ANKRD9: variants seen among roughly 807,000 people sequenced by gnomAD.
ANKRD9 encodes ankyrin repeat domain-containing protein 9.
A neutral mutation model predicts 19.2 loss-of-function variants in ANKRD9; 13 were observed. That is an observed-to-expected ratio of 0.68 (90% confidence interval 0.44 to 1.08). The LOEUF (loss-of-function observed/expected upper bound fraction) is 1.08, where lower values mean the gene tolerates loss of function less well. ANKRD9 is among the 50% of genes least tolerant of loss of function. The probability of loss-of-function intolerance (pLI) is 0.00; values close to 1 mark genes in which losing one functional copy is unlikely to be tolerated. For synonymous variants in ANKRD9, 278 were observed against 256.8 expected (o/e 1.08, Z -0.79); for missense variants, 518 against 499.9 (o/e 1.04, Z -0.34).
rs1355623008 is a variant in ANKRD9, at chr14:102,507,335, G to C, written c.555C>G (p.Pro185=). 2 of 1,307,282 alleles carry C rather than the reference G, an allele frequency of 1.5e-6. No homozygotes were observed. The highest frequency in any genetic ancestry group is 2.0e-6 in the Non-Finnish European group (2 of 1,023,928). The allele number at this position is 1,307,282 out of a possible 1,614,324, so 81.0% of individuals were successfully genotyped here. A position where few individuals can be genotyped will look rare whatever the true frequency, so the allele number is the denominator to read the frequency against. ...TGAGGCCGCCGCCGTCCCGCAGACC[G>C]GGCGAGGCGCCGTGGCCCAGCAGCA... ...LFLLLGHGAS[P]GLRDGGGLTP... Residue 185 remains proline (P), a synonymous_variant, in exon 4 of 4, where the codon CCC becomes CCG. Transcript: ENST00000286918. This position sits in a 1 kb window ranked among gnomAD's most constrained non-coding sequence, Gnocchi z 9.2.
rs759721819 is a variant in ANKRD9 at position 102,507,655 on chromosome 14, C to G, written c.235G>C (p.Ala79Pro). 1.3e-6 allele frequency: 2 copies of G among 1,549,318 alleles called. No homozygotes were observed. The highest frequency in any genetic ancestry group is 1.2e-5 in the South Asian group (1 of 86,822). Residue 79 changes from alanine (A) to proline (P), a missense_variant, in exon 4 of 4, where the codon GCG becomes CCG. Physicochemically the swap from Ala to Pro is conservative, Grantham distance 27. Coordinates refer to ENST00000286918, the MANE Select transcript of ANKRD9 (RefSeq NM_152326.4). The surrounding 1 kb of genome is among the most constrained non-coding windows in gnomAD (Gnocchi z 9.2). The stretch of plus-strand genomic sequence containing the variant: ...TACGCTTGGTGGTCGTGCACGAGCG[C>G]GTAGAGCAGCGCCTCAGAGGGCGAG... ...AYSPSEALLY[A>P]LVHDHQAYAH...
At position 102,507,085 on chromosome 14, in the gene ANKRD9, A is replaced by T. The variant is rs774606148; in HGVS notation, c.805T>A (p.Trp269Arg). The change falls in exon 4 of 4, where the codon TGG becomes AGG. Residue 269 changes from tryptophan (W) to arginine (R), a missense_variant. Transcript: ENST00000286918. This position sits in a 1 kb window ranked among gnomAD's most constrained non-coding sequence, Gnocchi z 9.2. ...GAGGGCGGCGCCAGGCCCGCCAGCC[A>T]CTGGAACTTGTCCTCACCCAGCAGC... ...QRLLGEDKFQ[W>R]LAGLAPPSLF... 1.3e-6 allele frequency: 2 copies of T among 1,550,788 alleles called. No homozygotes were observed. Among genetic ancestry groups the T allele is most frequent in the East Asian group, 2.4e-5 (1 of 41,092 alleles).
chr14:102,508,514 G>A lies in ANKRD9; in HGVS notation c.-93C>T, dbSNP rs1156937022. The A allele has an allele frequency of 1.3e-5, 2 of 152,180 alleles. No individual in the cohort carries two copies. Among genetic ancestry groups the A allele is most frequent in the Non-Finnish European group, 2.9e-5 (2 of 68,072 alleles). 9.4% of individuals were successfully genotyped at this position (152,180 alleles called of 1,614,324 possible). On this transcript the variant is annotated 5_prime_UTR_variant, in exon 3 of 4. Transcript: ENST00000286918. The surrounding 1 kb of genome is among the most constrained non-coding windows in gnomAD (Gnocchi z 6.2). ...GCGATCACCTAGTTCCGGGGATGTG[G>A]GTATATCACAGTCCCTGGCCGAGCC...
Position 102,507,857 on chromosome 14 carries a change from G to A in ANKRD9, c.33C>T (p.Gly11=). The A allele has an allele frequency of 1.7e-6, 2 of 1,203,476 alleles. No individual in the cohort carries two copies. The highest frequency in any genetic ancestry group is 1.6e-5 in the African/African-American group (1 of 61,482). The allele number at this position is 1,203,476 out of a possible 1,614,324, so 74.5% of individuals were successfully genotyped here. The change falls in exon 4 of 4, where the codon GGC becomes GGT. Residue 11 remains glycine (G), a synonymous_variant. Transcript: ENST00000286918. This position sits in a 1 kb window ranked among gnomAD's most constrained non-coding sequence, Gnocchi z 9.2. The stretch of plus-strand genomic sequence containing the variant: ...CCGAGGCCTCGGGCCCGCCGTCCGC[G>A]CCACCCCCAGGCCGCCGCGCGTCCC... MPWDARRPGG[G]ADGGPEASGA... is the part of the protein sequence containing the mutation.
rs1159048983 is a variant in ANKRD9 at position 102,505,096 on chromosome 14, A to G, written c.*1840T>C. The G allele has an allele frequency of 1.3e-5, 2 of 152,692 alleles. No homozygotes were observed. The highest frequency in any genetic ancestry group is 2.9e-5 in the Non-Finnish European group (2 of 68,418). The allele number at this position is 152,692 out of a possible 1,614,324, so 9.5% of individuals were successfully genotyped here. On this transcript the variant is annotated 3_prime_UTR_variant, in exon 4 of 4. Transcript: ENST00000286918. Reference sequence around the variant, plus strand: ...CCTCTGGCATTGTGGAGGCTGACCTATAGAGAACAGAGCTGGAGCTGGGGA... The same window carrying G: ...CCTCTGGCATTGTGGAGGCTGACCTGTAGAGAACAGAGCTGGAGCTGGGGA...
In ANKRD9 at chr14:102,507,191, GT is replaced by G; in HGVS notation, c.698del (p.Asp233AlafsTer91). The G allele has an allele frequency of 7.5e-7, 1 of 1,324,826 alleles. No homozygotes were observed. Among genetic ancestry groups the G allele is most frequent in the South Asian group, 1.9e-5 (1 of 51,864 alleles). 82.1% of individuals were successfully genotyped at this position (1,324,826 alleles called of 1,614,324 possible). Reference sequence around the variant, plus strand: ...CCACGGGGGTGTACAGCGCCAGGAGGTCCAGCAGCAGCAGGCGGCGCTGGCG... The same window carrying G: ...CCACGGGGGTGTACAGCGCCAGGAGGCCAGCAGCAGCAGGCGGCGCTGGCG... ...EPRQRRLLLL[D>X]LLALYTPVGA... On this transcript the variant is annotated frameshift_variant, in exon 4 of 4. Transcript: ENST00000286918. LOFTEE classifies it high-confidence loss of function. This position sits in a 1 kb window ranked among gnomAD's most constrained non-coding sequence, Gnocchi z 9.2.
chr14:102,508,641 A>C lies in ANKRD9; in HGVS notation c.-129T>G, dbSNP rs1237919091. On this transcript the variant is annotated splice_region_variant and 5_prime_UTR_variant, in exon 2 of 4. Coordinates refer to ENST00000286918, the MANE Select transcript of ANKRD9 (RefSeq NM_152326.4). The surrounding 1 kb of genome is among the most constrained non-coding windows in gnomAD (Gnocchi z 6.2). ...CCTCTATCCAAACATGTTTGCTTACACGTTAGCTCCTGGGAGGAGATAGGA... is the reference window on the plus strand; with the variant it reads ...CCTCTATCCAAACATGTTTGCTTACCCGTTAGCTCCTGGGAGGAGATAGGA... 6.6e-6 allele frequency: 1 copy of C among 152,026 alleles called. No homozygotes were observed. The highest frequency in any genetic ancestry group is 1.5e-5 in the Non-Finnish European group (1 of 68,036). 9.4% of individuals were successfully genotyped at this position (152,026 alleles called of 1,614,324 possible).
chr14:102,507,835 A>C lies in ANKRD9; in HGVS notation c.55T>G (p.Ser19Ala). The change falls in exon 4 of 4, where the codon TCG (serine) becomes GCG (alanine). Residue 19 changes from serine (S) to alanine (A), a missense_variant. Ser to Ala is a moderately conservative substitution (Grantham distance 99). Coordinates refer to ENST00000286918, the MANE Select transcript of ANKRD9 (RefSeq NM_152326.4). This position sits in a 1 kb window ranked among gnomAD's most constrained non-coding sequence, Gnocchi z 9.2. ...GGGADGGPEA[S>A]GAARSRAQKQ... is the part of the protein sequence containing the mutation. ...TGCGCTCGCGAGCGCGCCGCGCCCGAGGCCTCGGGCCCGCCGTCCGCGCCA... is the reference window on the plus strand; with the variant it reads ...TGCGCTCGCGAGCGCGCCGCGCCCGCGGCCTCGGGCCCGCCGTCCGCGCCA... 7 of 1,325,702 alleles carry C rather than the reference A, an allele frequency of 5.3e-6. No individual in the cohort carries two copies. The highest frequency in any genetic ancestry group is 1.6e-5 in the African/African-American group (1 of 63,864). 82.1% of individuals were successfully genotyped at this position (1,325,702 alleles called of 1,614,324 possible).
rs1261248324 is a variant in ANKRD9 at position 102,507,420 on chromosome 14, T to G, written c.470A>C (p.Glu157Ala). ...VLDRRGCSRV[E>A]GGGTSLHVAC... ...CACGTGCAGCGACGTGCCACCGCCC[T>G]CCACGCGGCTGCAGCCACGCCGGTC... The change falls in exon 4 of 4, where the codon GAG (glutamate) becomes GCG (alanine). Residue 157 changes from glutamate (E) to alanine (A), a missense_variant. Glu to Ala is a moderately radical substitution (Grantham distance 107, BLOSUM62 -1). Transcript: ENST00000286918. This position sits in a 1 kb window ranked among gnomAD's most constrained non-coding sequence, Gnocchi z 9.2. The G allele has an allele frequency of 2.2e-6, 3 of 1,372,122 alleles. No individual in the cohort carries two copies. Among genetic ancestry groups the G allele is most frequent in the African/African-American group, 1.6e-5 (1 of 64,106 alleles). 85.0% of individuals were successfully genotyped at this position (1,372,122 alleles called of 1,614,324 possible).
Position 102,505,274 on chromosome 14 carries a change from T to TCCC in ANKRD9, c.*1659_*1661dup, listed in dbSNP as rs66460675. 22,538 of 142,842 alleles carry TCCC rather than the reference T, an allele frequency of 0.16. 2,071 individuals carry two copies. The highest frequency in any genetic ancestry group is 0.23 in the Non-Finnish European group (14,692 of 64,282). 8.8% of individuals were successfully genotyped at this position (142,842 alleles called of 1,614,324 possible). A position where few individuals can be genotyped will look rare whatever the true frequency, so the allele number is the denominator to read the frequency against. On this transcript the variant is annotated 3_prime_UTR_variant, in exon 4 of 4. Coordinates refer to ENST00000286918, the MANE Select transcript of ANKRD9 (RefSeq NM_152326.4). Reference sequence around the variant, plus strand: ...CCATACCCTCCAAAGGAGAGGCACCTCCCCCCCCCATGGCATCTCCAATCT... The same window carrying TCCC: ...CCATACCCTCCAAAGGAGAGGCACCTCCCCCCCCCCCCATGGCATCTCCAATCT...
chr14:102,505,076 G>A lies in ANKRD9; in HGVS notation c.*1860C>T, dbSNP rs1014803933. ...TGGAGGGGGCTAGCCCTGGGCCTCT[G>A]GCATTGTGGAGGCTGACCTATAGAG... On this transcript the variant is annotated 3_prime_UTR_variant, in exon 4 of 4. Transcript: ENST00000286918. 2 of 152,742 alleles carry A rather than the reference G, an allele frequency of 1.3e-5. No individual in the cohort carries two copies. Among genetic ancestry groups the A allele is most frequent in the African/African-American group, 4.8e-5 (2 of 41,460 alleles). The allele number at this position is 152,742 out of a possible 1,614,324, so 9.5% of individuals were successfully genotyped here. A position where few individuals can be genotyped will look rare whatever the true frequency, so the allele number is the denominator to read the frequency against.
Position 102,504,283 on chromosome 14 carries a change from A to G in ANKRD9, c.*2653T>C, listed in dbSNP as rs1361380642. ...TTTCCCTTAGAAACAGACTGCTGGAATTAACGAACTAAACAAATGAACCAA... is the reference window on the plus strand; with the variant it reads ...TTTCCCTTAGAAACAGACTGCTGGAGTTAACGAACTAAACAAATGAACCAA... On this transcript the variant is annotated 3_prime_UTR_variant, in exon 4 of 4. Coordinates refer to ENST00000286918, the MANE Select transcript of ANKRD9 (RefSeq NM_152326.4). 1 of 152,594 alleles carries G rather than the reference A, an allele frequency of 6.6e-6. No individual in the cohort carries two copies. The highest frequency in any genetic ancestry group is 2.4e-5 in the African/African-American group (1 of 41,462). 9.5% of individuals were successfully genotyped at this position (152,594 alleles called of 1,614,324 possible). A position where few individuals can be genotyped will look rare whatever the true frequency, so the allele number is the denominator to read the frequency against.
chr14:102,501,917 G>A lies in ANKRD9; in HGVS notation c.*5019C>T, dbSNP rs541831286. 6.6e-6 allele frequency: 1 copy of A among 152,346 alleles called. No homozygotes were observed. Among genetic ancestry groups the A allele is most frequent in the East Asian group, 1.9e-4 (1 of 5,188 alleles). The allele number at this position is 152,346 out of a possible 1,614,324, so 9.4% of individuals were successfully genotyped here. A position where few individuals can be genotyped will look rare whatever the true frequency, so the allele number is the denominator to read the frequency against. On this transcript the variant is annotated 3_prime_UTR_variant, in exon 4 of 4. Coordinates refer to ENST00000286918, the MANE Select transcript of ANKRD9 (RefSeq NM_152326.4). ...GGAGCAGCTTGGGAGCCCCCCATTG[G>A]CGCCGCCCTACTGGGGAAGCCGGTC...
At position 102,507,685 on chromosome 14, in the gene ANKRD9, C is replaced by A; in HGVS notation, c.205G>T (p.Ala69Ser). 6.4e-7 allele frequency: 1 copy of A among 1,552,642 alleles called. No individual in the cohort carries two copies. The highest frequency in any genetic ancestry group is 8.7e-7 in the Non-Finnish European group (1 of 1,155,192). ...AGCAGCGCCTCAGAGGGCGAGTAGG[C>A]GGCGGCGCGCCCGCGCTCGTCCCAG... ...FHWDERGRAAAYSPSEALLYA... is the reference protein window; with the variant it reads ...FHWDERGRAASYSPSEALLYA... The change falls in exon 4 of 4, where the codon GCC (alanine) becomes TCC (serine). Residue 69 changes from alanine to serine, a missense_variant. By Grantham distance (99) the Ala-to-Ser change is moderately conservative. Transcript: ENST00000286918. The surrounding 1 kb of genome is among the most constrained non-coding windows in gnomAD (Gnocchi z 9.2).
Position 102,506,902 on chromosome 14 carries a change from T to C in ANKRD9, c.*34A>G, listed in dbSNP as rs201786042. 2.8e-6 allele frequency: 4 copies of C among 1,429,736 alleles called. No homozygotes were observed. The East Asian group carries it at 1.1e-4, about 39-fold the overall frequency. The allele number at this position is 1,429,736 out of a possible 1,614,324, so 88.6% of individuals were successfully genotyped here. A position where few individuals can be genotyped will look rare whatever the true frequency, so the allele number is the denominator to read the frequency against. ...GGTACAACGCTCTGAAAAATAGTTTTGTCCCAAAATCCAGCGCCTAGGGTG... is the reference window on the plus strand; with the variant it reads ...GGTACAACGCTCTGAAAAATAGTTTCGTCCCAAAATCCAGCGCCTAGGGTG... On this transcript the variant is annotated 3_prime_UTR_variant, in exon 4 of 4. Transcript: ENST00000286918.
chr14:102,506,956 C>T lies in ANKRD9; in HGVS notation c.934G>A (p.Asp312Asn). Residue 312 changes from aspartate to asparagine, a missense_variant, in exon 4 of 4, where the codon GAC becomes AAC. Transcript: ENST00000286918. The part of the protein sequence containing the change: ...LPLPPFLQPL[D>N]LTGKG Reference sequence around the variant, plus strand: ...CGGGCCTAGCCTTTGCCAGTGAGGTCCAACGGCTGCAGGAATGGGGGCAGC... The same window carrying T: ...CGGGCCTAGCCTTTGCCAGTGAGGTTCAACGGCTGCAGGAATGGGGGCAGC... 1 of 1,545,886 alleles carries T rather than the reference C, an allele frequency of 6.5e-7. No homozygotes were observed. The highest frequency in any genetic ancestry group is 8.7e-7 in the Non-Finnish European group (1 of 1,144,824).
intron 1 of ANKRD9, chr14:102,509,128 C>G (rs1891707234): frequency 6.6e-6 from 1 of 152,438 alleles, no homozygotes; most frequent in Admixed American, 6.5e-5. Context: ...GAGAGCGGCG[C>G]GGTGCGGGTA....
rs912659706 is a variant in ANKRD9 at position 102,505,184 on chromosome 14, T to G, written c.*1752A>C. On this transcript the variant is annotated 3_prime_UTR_variant, in exon 4 of 4. Transcript: ENST00000286918. ...CCAGGCTTTCTAGGCACAAGCCCCATGGGCTCCCCGGGCCCAGCCCCTAAG... is the reference window on the plus strand; with the variant it reads ...CCAGGCTTTCTAGGCACAAGCCCCAGGGGCTCCCCGGGCCCAGCCCCTAAG... 2.6e-5 allele frequency: 4 copies of G among 152,534 alleles called. No individual in the cohort carries two copies. The highest frequency in any genetic ancestry group is 4.4e-5 in the Non-Finnish European group (3 of 68,414). 9.4% of individuals were successfully genotyped at this position (152,534 alleles called of 1,614,324 possible). A position where few individuals can be genotyped will look rare whatever the true frequency, so the allele number is the denominator to read the frequency against.
Position 102,506,956 on chromosome 14 carries a change from C to A in ANKRD9, c.934G>T (p.Asp312Tyr). 6.5e-7 allele frequency: 1 copy of A among 1,545,886 alleles called. No individual in the cohort carries two copies. The highest frequency in any genetic ancestry group is 8.7e-7 in the Non-Finnish European group (1 of 1,144,824). Reference sequence around the variant, plus strand: ...CGGGCCTAGCCTTTGCCAGTGAGGTCCAACGGCTGCAGGAATGGGGGCAGC... The same window carrying A: ...CGGGCCTAGCCTTTGCCAGTGAGGTACAACGGCTGCAGGAATGGGGGCAGC... ...LPLPPFLQPL[D>Y]LTGKG Residue 312 changes from aspartate (D) to tyrosine (Y), a missense_variant, in exon 4 of 4, where the codon GAC becomes TAC. Coordinates refer to ENST00000286918, the MANE Select transcript of ANKRD9 (RefSeq NM_152326.4).
Sources: allele counts gnomAD v4.1 joint callset, GRCh38; gene constraint gnomAD v4.1.1; non-coding constraint Gnocchi (gnomAD v3.1); transcripts MANE v1.5; gene names NCBI Gene and HGNC (gene_info 2026-07-23, HGNC 2026-07-21).